Variants in TRA2B observed in about 807,000 individuals in gnomAD.
TRA2B encodes the protein transformer 2 beta homolog.
TRA2B carries 14 observed loss-of-function variants against 41.7 expected under a neutral mutation model. The ratio of observed to expected loss-of-function variants is 0.34; its 90% CI spans 0.22 to 0.53. TRA2B has a LOEUF of 0.53. Among genes scored for constraint, TRA2B ranks in the 20% least tolerant of loss-of-function variants. The pLI, the probability that TRA2B is intolerant of heterozygous loss-of-function variation, is 0.95. For missense variants in TRA2B, 167 were observed against 396.8 expected (o/e 0.42, Z 4.92); for synonymous variants, 130 against 128.8 (o/e 1.01, Z -0.06).
At chr3:185,922,959 G>A (rs568466948) in intron 4 of TRA2B, 1 of 152,254 alleles carries the variant, frequency 6.6e-6, no homozygotes, top group Admixed American at 6.5e-5. Flanking sequence ...TTTTCCGAGA[G>A]CTATGATCCT....
intron 1 of TRA2B, among the ~76,000 whole-genome samples, 156 bp downstream of exon 1, chr3:185,937,669 C>CT (rs1424332906): frequency 1.3e-5 from 2 of 152,296 alleles, no homozygotes; most frequent in South Asian, 4.1e-4. Context: ...TCCACAAAGG[C>CT]TTTTTTTGGT....
rs746978041 is a variant in TRA2B at position 185,919,471 on chromosome 3, A to ATCC, written c.745_747dup (p.Gly249dup). Reference sequence around the variant, plus strand: ...TGATCCCTGTCTTGGGCAGCTCTCCATCCTCCTCCTCCTCCACCTCCTCCT... The same window carrying ATCC: ...TGATCCCTGTCTTGGGCAGCTCTCCATCCTCCTCCTCCTCCTCCACCTCCTCCT... On this transcript the variant is annotated inframe_insertion, in exon 7 of 9. Transcript: ENST00000453386. 35 of 1,613,188 alleles carry ATCC rather than the reference A, an allele frequency of 2.2e-5. No individual in the cohort carries two copies. Among genetic ancestry groups the ATCC allele is most frequent in the East Asian group, 1.3e-4 (6 of 44,858 alleles).
intron 1 of TRA2B, chr3:185,936,329 A>T (rs1396239333): frequency 1.0e-6 from 1 of 985,270 alleles, no homozygotes; most frequent in Non-Finnish European, 1.2e-6. Context: ...GCTCAATCCC[A>T]ACTTTCTTAC....
At chr3:185,924,024 CAT>C in intron 3 of TRA2B, 40 bp from the exon 4 acceptor site, 3 of 1,559,398 alleles carry the variant, frequency 1.9e-6, no homozygotes, top group Non-Finnish European at 2.6e-6. Flanking sequence ...GAAAAGTTGT[CAT>C]AAAATCAAAG....
At chr3:185,927,686 T>A (rs1744004174) in intron 1 of TRA2B, 1 of 152,094 alleles carries the variant, frequency 6.6e-6, no homozygotes, top group Non-Finnish European at 1.5e-5. Flanking sequence ...TAAGGGGGGA[T>A]TTGTAATGAA....
Position 185,924,207 on chromosome 3 carries a change from T to C in TRA2B, c.334-223A>G, listed in dbSNP as rs544421415. 7 of 384,186 alleles carry C rather than the reference T, an allele frequency of 1.8e-5. No individual in the cohort carries two copies. The East Asian group carries it at 2.9e-4, about 16-fold the overall frequency. The allele number at this position is 384,186 out of a possible 1,614,324, so 23.8% of individuals were successfully genotyped here. A position where few individuals can be genotyped will look rare whatever the true frequency, so the allele number is the denominator to read the frequency against. ...AAAAAATTTCAACCTTAGAATTAAG[T>C]AGGTAAACAAGCACTCGTGCTGGCG... On this transcript the variant is annotated intron_variant, in intron 3 of 8. Coordinates refer to ENST00000453386, the MANE Select transcript of TRA2B (RefSeq NM_004593.3).
Position 185,918,937 on chromosome 3 carries a change from G to A in TRA2B, c.783-499C>T, listed in dbSNP as rs183686740. Reference sequence around the variant, plus strand: ...TGCAGTGAGCTCAAATTGCTCCACTGTACTCCAGCCTAGGCAACAGAGCAA... The same window carrying A: ...TGCAGTGAGCTCAAATTGCTCCACTATACTCCAGCCTAGGCAACAGAGCAA... On this transcript the variant is annotated intron_variant, in intron 7 of 8. Transcript: ENST00000453386. Among the ~76,000 whole-genome samples the A allele has an allele frequency of 8.1e-4, 124 of 152,198 alleles. 2 individuals carry two copies. Among genetic ancestry groups the A allele is most frequent in the Admixed American group, 2.0e-3 (30 of 15,270 alleles).
intron 1 of TRA2B, chr3:185,936,426 A>G: frequency 1.0e-6 from 1 of 985,170 alleles, no homozygotes; most frequent in Non-Finnish European, 1.2e-6. Context: ...AAAACTAAAA[A>G]CTCTATGCTC....
intron 1 of TRA2B, among the ~76,000 whole-genome samples, chr3:185,933,414 T>C (rs920401212): frequency 3.9e-5 from 6 of 152,212 alleles, no homozygotes; most frequent in Non-Finnish European, 7.4e-5. Flanking sequence ...GCTAATGTTA[T>C]GTACATTTAG....
intron 1 of TRA2B, chr3:185,934,906 G>C (rs1368104538): frequency 3.0e-6 from 3 of 985,292 alleles, no homozygotes. Context: ...GTATCTGCTG[G>C]GTCAAAACAT....
intron 1 of TRA2B, chr3:185,934,783 C>T (rs1264825645): frequency 1.0e-6 from 1 of 985,290 alleles, no homozygotes. Context: ...ATTTGAAAAG[C>T]AGTTTGATGG....
At chr3:185,932,608 G>C (rs372439010) in intron 1 of TRA2B, among the ~76,000 whole-genome samples, 3 of 152,272 alleles carry the variant, frequency 2.0e-5, no homozygotes, top group Middle Eastern at 3.4e-3. Flanking sequence ...AAAATATTAA[G>C]TCTTCTGGAT....
intron 2 of TRA2B, 95 bp downstream of exon 2, chr3:185,926,506 A>G: frequency 6.6e-7 from 1 of 1,513,256 alleles, no homozygotes; most frequent in South Asian, 1.2e-5. Flanking sequence ...ATAGGCCAAC[A>G]AATAATCTAA....
At chr3:185,928,309 A>G (rs1744028021) in intron 1 of TRA2B, 1 of 152,238 alleles carries the variant, frequency 6.6e-6, no homozygotes, top group African/African-American at 2.4e-5. Flanking sequence ...ACGACTCTAG[A>G]AACGTTCAAA....
rs938972797 is a variant in TRA2B, at chr3:185,926,740, C to T, written c.37-6G>A. On this transcript the variant is annotated splice_polypyrimidine_tract_variant and splice_region_variant and intron_variant, in intron 1 of 8. Transcript: ENST00000453386. ...CTGGAAGCAGAACGGGATTCCTACACGTAGATGTTAAAAGTTTAATTTGCA... is the reference window on the plus strand; with the variant it reads ...CTGGAAGCAGAACGGGATTCCTACATGTAGATGTTAAAAGTTTAATTTGCA... 14 of 1,613,582 alleles carry T rather than the reference C, an allele frequency of 8.7e-6. No homozygotes were observed. Among genetic ancestry groups the T allele is most frequent in the East Asian group, 2.2e-5 (1 of 44,882 alleles).
intron 1 of TRA2B, chr3:185,936,774 C>G: frequency 1.0e-6 from 1 of 984,944 alleles, no homozygotes; most frequent in Non-Finnish European, 1.2e-6. Flanking sequence ...CCTCTTAATT[C>G]TAGCAAGCCT....
Position 185,921,130 on chromosome 3 carries a change from A to G in TRA2B, c.696T>C (p.Asp232=), listed in dbSNP as rs752575897. 6.2e-7 allele frequency: 1 copy of G among 1,614,146 alleles called. No homozygotes were observed. Among genetic ancestry groups the G allele is most frequent in the Non-Finnish European group, 8.5e-7 (1 of 1,180,022 alleles). The change falls in exon 6 of 9, where the codon GAT becomes GAC. Residue 232 remains aspartate, a synonymous_variant. Transcript: ENST00000453386. ...YDRGYDRGYD[D]RDYYSRSYRG... ...TGTATGATCTGCTATAGTAGTCCCG[A>G]TCATCATAGCCCCGATCATATCCTC...
intron 1 of TRA2B, chr3:185,935,184 A>G (rs1354086302): frequency 1.0e-6 from 1 of 985,352 alleles, no homozygotes; most frequent in Non-Finnish European, 1.2e-6. Flanking sequence ...AAATGGTGCT[A>G]GTCAACCCCT....
intron 1 of TRA2B, chr3:185,937,567 T>A (rs1267153934): frequency 1.1e-6 from 1 of 928,300 alleles, no homozygotes; most frequent in Non-Finnish European, 1.4e-6. Flanking sequence ...ATCTTCCCCC[T>A]CTTATAACGG....
Sources: gnomAD v4.1 joint callset for allele counts (sites outside exome capture counted in the v4.1 genomes callset) on GRCh38, gnomAD v4.1.1 for gene constraint, MANE v1.5 for transcripts, NCBI Gene and HGNC (gene_info 2026-07-23, HGNC 2026-07-21) for gene names.